Variants in LRRC15 observed in about 807,000 individuals in gnomAD.
The protein encoded by LRRC15 is leucine-rich repeat-containing protein 15.
LRRC15 carries 5 observed loss-of-function variants against 4.3 expected under a neutral mutation model. That is an observed-to-expected ratio of 1.16 (90% confidence interval 0.61 to 2.44). The LOEUF is 2.44. Among genes scored for constraint, LRRC15 ranks in the 30% most tolerant of loss-of-function variants. The pLI is 0.01. For missense variants in LRRC15, 769 were observed against 747.0 expected (o/e 1.03, Z -0.34); for synonymous variants, 337 against 323.2 (o/e 1.04, Z -0.46).
intron 1 of LRRC15, among the ~76,000 whole-genome samples, chr3:194,367,557 C>A (rs1272053222): frequency 6.6e-6 from 1 of 152,188 alleles, no homozygotes; most frequent in South Asian, 2.1e-4. Context: ...CCTCCCGCCT[C>A]GGCCTCCCAA....
At chr3:194,367,586 G>A (rs886705103) in intron 1 of LRRC15, among the ~76,000 whole-genome samples, 23 of 152,208 alleles carry the variant, frequency 1.5e-4, no homozygotes, top group Non-Finnish European at 2.5e-4. Flanking sequence ...GATTACAGGC[G>A]TGAGCCACCG....
chr3:194,359,507 C>G lies in LRRC15; in HGVS notation c.1537G>C (p.Glu513Gln). 6.2e-7 allele frequency: 1 copy of G among 1,614,258 alleles called. No homozygotes were observed. The highest frequency in any genetic ancestry group is 8.5e-7 in the Non-Finnish European group (1 of 1,180,052). Residue 513 changes from glutamate (E) to glutamine (Q), a missense_variant, in exon 2 of 2, where the codon GAA becomes CAA. By Grantham distance (29) the Glu-to-Gln change is conservative (BLOSUM62 2). Coordinates refer to ENST00000347624, the MANE Select transcript of LRRC15 (RefSeq NM_130830.5). The stretch of plus-strand genomic sequence containing the variant: ...ATGGTAGTCAGATCAGTGTAGTCTT[C>G]CACAGGGCTGGTTAGCTCAGTGGTA... Reference protein sequence around the residue: ...SSTTELTSPVEDYTDLTTIQV... With the variant: ...SSTTELTSPVQDYTDLTTIQV...
chr3:194,366,839 G>T (rs1001201698), intron 1 of LRRC15, among the ~76,000 whole-genome samples: 4 of 38,622 alleles, frequency 1.0e-4, no homozygotes, highest in African/African-American at 3.3e-4. Flanking sequence ...TCCCCAGGGA[G>T]CAGAGACTTG....
In LRRC15 at chr3:194,359,422, A is replaced by G. The variant is rs1356838026; in HGVS notation, c.1622T>C (p.Ile541Thr). The G allele has an allele frequency of 2.5e-6, 4 of 1,614,064 alleles. No individual in the cohort carries two copies. Among genetic ancestry groups the G allele is most frequent in the South Asian group, 1.1e-5 (1 of 91,088 alleles). Residue 541 changes from isoleucine to threonine, a missense_variant, in exon 2 of 2, where the codon ATT becomes ACT. Coordinates refer to ENST00000347624, the MANE Select transcript of LRRC15 (RefSeq NM_130830.5). The stretch of plus-strand genomic sequence containing the variant: ...GACAATGCCAATTACAATGGCGGCA[A>G]TGGCCAGCCCGCTCTGGGCCTGGGT... ...GMTQAQSGLAIAAIVIGIVAL... is the reference protein window; with the variant it reads ...GMTQAQSGLATAAIVIGIVAL...
intron 1 of LRRC15, among the ~76,000 whole-genome samples, chr3:194,363,066 C>T (rs1713678963): frequency 6.6e-6 from 1 of 151,850 alleles, no homozygotes; most frequent in African/African-American, 2.4e-5. Flanking sequence ...CTCAGCCTCC[C>T]GAGTAGCTGG....
At chr3:194,365,198 G>A (rs1012535994) in intron 1 of LRRC15, among the ~76,000 whole-genome samples, 1 of 152,198 alleles carries the variant, frequency 6.6e-6, no homozygotes, top group African/African-American at 2.4e-5. Flanking sequence ...TCTATCACTG[G>A]CCCATGAAGT....
Position 194,360,919 on chromosome 3 carries a change from GC to G in LRRC15, c.124del (p.Ala42HisfsTer15). 6.3e-7 allele frequency: 1 copy of G among 1,600,000 alleles called. No homozygotes were observed. ...AGGGGTGGGCACTGCCACAATGCGT[GC>G]CCCGGTGCACTCCACCTGGGAGGCC... ...SRASQVECTG[A>X]RIVAVPTPLP... On this transcript the variant is annotated frameshift_variant, in exon 2 of 2. Coordinates refer to ENST00000347624, the MANE Select transcript of LRRC15 (RefSeq NM_130830.5). LOFTEE classifies it low-confidence loss of function (END_TRUNC).
At chr3:194,367,480 G>A (rs1295070293) in intron 1 of LRRC15, among the ~76,000 whole-genome samples, 2 of 151,264 alleles carry the variant, frequency 1.3e-5, no homozygotes, top group African/African-American at 4.8e-5. Flanking sequence ...CTAATTTTTT[G>A]TATTTTTAGT....
rs1713426926 is a variant in LRRC15 at position 194,356,356 on chromosome 3, CAGAG to C, written c.*2938_*2941del. 1 of 152,202 alleles carries C rather than the reference CAGAG, an allele frequency of 6.6e-6. No homozygotes were observed. The highest frequency in any genetic ancestry group is 2.4e-5 in the African/African-American group (1 of 41,442). The allele number at this position is 152,202 out of a possible 1,614,324, so 9.4% of individuals were successfully genotyped here. A position where few individuals can be genotyped will look rare whatever the true frequency, so the allele number is the denominator to read the frequency against. On this transcript the variant is annotated 3_prime_UTR_variant, in exon 2 of 2. Transcript: ENST00000347624. Reference sequence around the variant, plus strand: ...CGTGGGACTGTCAAGGAGCTGTAAACAGAGAGGAAAACTGAACTCTGTACCCCAC... The same window carrying C: ...CGTGGGACTGTCAAGGAGCTGTAAACAGGAAAACTGAACTCTGTACCCCAC...
chr3:194,361,056 G>A lies in LRRC15; in HGVS notation c.-3-10C>T. 2 of 1,496,080 alleles carry A rather than the reference G, an allele frequency of 1.3e-6. No individual in the cohort carries two copies. Among genetic ancestry groups the A allele is most frequent in the Non-Finnish European group, 1.8e-6 (2 of 1,129,596 alleles). The allele number at this position is 1,496,080 out of a possible 1,614,324, so 92.7% of individuals were successfully genotyped here. On this transcript the variant is annotated splice_polypyrimidine_tract_variant and intron_variant, in intron 1 of 1. Coordinates refer to ENST00000347624, the MANE Select transcript of LRRC15 (RefSeq NM_130830.5). ...GCTTCAGTGGCATAGCCTGTGCAAGGGGAGAGAGCACACGTTAGTCAGGGT... is the reference window on the plus strand; with the variant it reads ...GCTTCAGTGGCATAGCCTGTGCAAGAGGAGAGAGCACACGTTAGTCAGGGT...
rs887405954 is a variant in LRRC15 at position 194,355,579 on chromosome 3, C to T, written c.*3719G>A. Reference sequence around the variant, plus strand: ...CTCTCTGAACCACAGCCATGGCTTCCTTCCCAAGGCCACTGCTGGCTTCCC... The same window carrying T: ...CTCTCTGAACCACAGCCATGGCTTCTTTCCCAAGGCCACTGCTGGCTTCCC... On this transcript the variant is annotated 3_prime_UTR_variant, in exon 2 of 2. Coordinates refer to ENST00000347624, the MANE Select transcript of LRRC15 (RefSeq NM_130830.5). 5.9e-5 allele frequency: 9 copies of T among 152,254 alleles called. No individual in the cohort carries two copies. The highest frequency in any genetic ancestry group is 2.2e-4 in the African/African-American group (9 of 41,452). 9.4% of individuals were successfully genotyped at this position (152,254 alleles called of 1,614,324 possible). A position where few individuals can be genotyped will look rare whatever the true frequency, so the allele number is the denominator to read the frequency against.
Position 194,360,407 on chromosome 3 carries a change from G to C in LRRC15, c.637C>G (p.Pro213Ala), listed in dbSNP as rs1713582678. 1.9e-6 allele frequency: 3 copies of C among 1,614,056 alleles called. No homozygotes were observed. The African/African-American group carries it at 4.0e-5, about 22-fold the overall frequency. Residue 213 changes from proline (P) to alanine (A), a missense_variant, in exon 2 of 2, where the codon CCC (proline) becomes GCC (alanine). Transcript: ENST00000347624. ...RLYENRLTDI[P>A]MGTFDGLVNL... ...ACAAGCCCATCAAAAGTGCCCATGG[G>C]GATATCCGTGAGCCTGTTCTCATAC... is the stretch of plus-strand genomic sequence containing the variant.
chr3:194,365,450 G>A (rs1352991142), intron 1 of LRRC15, among the ~76,000 whole-genome samples: 2 of 152,152 alleles, frequency 1.3e-5, no homozygotes, highest in Admixed American at 6.5e-5. Context: ...GAGGTTTCCT[G>A]GAAGGAGACT....
intron 1 of LRRC15, chr3:194,363,528 A>G: frequency 2.2e-6 from 1 of 461,258 alleles, no homozygotes; most frequent in South Asian, 3.5e-5. Flanking sequence ...ACCCTAGGAG[A>G]AGACTTAGGA....
intron 1 of LRRC15, among the ~76,000 whole-genome samples, chr3:194,362,820 G>C (rs1713667887): frequency 6.6e-6 from 1 of 152,034 alleles, no homozygotes; most frequent in Non-Finnish European, 1.5e-5. Flanking sequence ...CCACGTCTCA[G>C]AGTAACCCAG....
chr3:194,359,213 C>T lies in LRRC15; in HGVS notation c.*85G>A. 7.6e-7 allele frequency: 1 copy of T among 1,311,328 alleles called. No homozygotes were observed. Among genetic ancestry groups the T allele is most frequent in the Non-Finnish European group, 1.0e-6 (1 of 955,264 alleles). The allele number at this position is 1,311,328 out of a possible 1,614,324, so 81.2% of individuals were successfully genotyped here. Reference sequence around the variant, plus strand: ...AGAAAGAGCAATCACGGGAAAGCTCCATGGACCCAGGGGTGGAGGCAGAAA... The same window carrying T: ...AGAAAGAGCAATCACGGGAAAGCTCTATGGACCCAGGGGTGGAGGCAGAAA... On this transcript the variant is annotated 3_prime_UTR_variant, in exon 2 of 2. Transcript: ENST00000347624.
chr3:194,365,063 A>G (rs1485053653), intron 1 of LRRC15, among the ~76,000 whole-genome samples: 1 of 152,236 alleles, frequency 6.6e-6, no homozygotes, highest in Non-Finnish European at 1.5e-5. Flanking sequence ...GACAGATGGC[A>G]GTTAAAGGGC....
chr3:194,360,980 A>G lies in LRRC15; in HGVS notation c.64T>C (p.Tyr22His), dbSNP rs1245986059. The G allele has an allele frequency of 6.4e-6, 10 of 1,555,676 alleles. No homozygotes were observed. Among genetic ancestry groups the G allele is most frequent in the Non-Finnish European group, 8.6e-6 (10 of 1,156,230 alleles). ...GTACACTCGCTAGGGCAGCCATGGT[A>G]GGCCAACCCTGCACCCCAGGCTTGG... ...GCQAWGAGLAYHGCPSECTCS... is the reference protein window; with the variant it reads ...GCQAWGAGLAHHGCPSECTCS... The change falls in exon 2 of 2, where the codon TAC becomes CAC. Residue 22 changes from tyrosine (Y) to histidine (H), a missense_variant. Transcript: ENST00000347624.
chr3:194,366,762 G>A (rs1413734955), intron 1 of LRRC15, among the ~76,000 whole-genome samples: 1 of 152,214 alleles, frequency 6.6e-6, no homozygotes, highest in African/African-American at 2.4e-5. Flanking sequence ...CATCAGAGGT[G>A]CAAGAGCTTT....
Sources: gnomAD v4.1 joint callset for allele counts (sites outside exome capture counted in the v4.1 genomes callset) on GRCh38, gnomAD v4.1.1 for gene constraint, MANE v1.5 for transcripts, NCBI Gene and HGNC (gene_info 2026-07-23, HGNC 2026-07-21) for gene names.